Variants in EBF2 observed in about 807,000 individuals in gnomAD.
The protein encoded by EBF2 is EBF transcription factor 2.
Under a neutral mutation model 72.8 loss-of-function variants are expected in EBF2, and 21 were observed. The ratio of observed to expected loss-of-function variants is 0.29; its 90% CI spans 0.20 to 0.42. The LOEUF (loss-of-function observed/expected upper bound fraction) is 0.42. Ranked by LOEUF, EBF2 falls within the 10% of genes least tolerant of loss-of-function variation. The pLI is 1.00. For synonymous variants in EBF2, 299 were observed against 274.2 expected, an observed-to-expected ratio of 1.09 and a Z score of -0.89; for missense variants, 637 against 731.2, an observed-to-expected ratio of 0.87 and a Z score of 1.49.
intron 7 of EBF2, among the ~76,000 whole-genome samples, chr8:25,895,546 C>T (rs139274503): frequency 2.8e-4 from 42 of 152,298 alleles, no homozygotes; most frequent in African/African-American, 8.7e-4. Context: ...GTTTTAAGAA[C>T]GGAATCTACA....
chr8:26,025,257 T>A (rs1431810644), intron 6 of EBF2, among the ~76,000 whole-genome samples: 3 of 152,164 alleles, frequency 2.0e-5, no homozygotes, highest in African/African-American at 7.2e-5. Flanking sequence ...TCCATTGACC[T>A]AGTCTTCGGA....
chr8:25,971,149 C>T (rs1804183626), intron 6 of EBF2, among the ~76,000 whole-genome samples: 2 of 152,190 alleles, frequency 1.3e-5, no homozygotes, highest in South Asian at 2.1e-4. Flanking sequence ...CCACTCTTAG[C>T]AGTTTCACCT....
At chr8:25,888,061 G>T in intron 8 of EBF2, 89 bp from the exon 9 acceptor site, 1 of 1,439,556 alleles carries the variant, frequency 6.9e-7, no homozygotes, top group Non-Finnish European at 9.3e-7. Context: ...AAGAAGAATT[G>T]TCTTGGGCCA....
At position 25,850,671 on chromosome 8, in the gene EBF2, C is replaced by G; in HGVS notation, c.1619G>C (p.Ser540Thr). The change falls in exon 15 of 16, where the codon AGT (serine) becomes ACT (threonine). Residue 540 changes from serine (S) to threonine (T), a missense_variant. Coordinates refer to ENST00000520164, the MANE Select transcript of EBF2 (RefSeq NM_022659.4). ...GGGCCTGATGACAGGGGCAAAGGCA[C>G]TCTTCTGTTTGACAGCAGGAAAAAC... ...SSVFPAVKQKSAFAPVIRPQG... is the reference protein window; with the variant it reads ...SSVFPAVKQKTAFAPVIRPQG... 1 of 1,561,414 alleles carries G rather than the reference C, an allele frequency of 6.4e-7. No homozygotes were observed. The highest frequency in any genetic ancestry group is 8.6e-7 in the Non-Finnish European group (1 of 1,162,364).
At chr8:25,980,580 A>G (rs544283637) in intron 6 of EBF2, among the ~76,000 whole-genome samples, 9 of 152,184 alleles carry the variant, frequency 5.9e-5, no homozygotes, top group Non-Finnish European at 1.3e-4. Context: ...CAGTGGCACC[A>G]TAGACCTTGC....
chr8:25,913,944 T>A (rs1408765125), intron 6 of EBF2, among the ~76,000 whole-genome samples: 8 of 152,344 alleles, frequency 5.3e-5, no homozygotes, highest in Non-Finnish European at 8.8e-5. Flanking sequence ...AGATGGCCCA[T>A]TTCCCTTAAA....
intron 6 of EBF2, among the ~76,000 whole-genome samples, chr8:25,943,971 C>A (rs1003378252): frequency 2.6e-5 from 4 of 152,152 alleles, no homozygotes; most frequent in South Asian, 2.1e-4. Flanking sequence ...AACAGGGTCC[C>A]AGTTGTGTCC....
intron 6 of EBF2, among the ~76,000 whole-genome samples, chr8:25,948,184 G>T (rs934905546): frequency 6.6e-6 from 1 of 152,138 alleles, no homozygotes; most frequent in Admixed American, 6.5e-5. Context: ...AAAATGACTT[G>T]GTTGTTCCTT....
At chr8:25,871,507 A>G (rs1410809219) in intron 10 of EBF2, among the ~76,000 whole-genome samples, 2 of 152,184 alleles carry the variant, frequency 1.3e-5, no homozygotes, top group Non-Finnish European at 2.9e-5. Flanking sequence ...TCATAGCCCC[A>G]CTGAAATATA....
At chr8:26,033,246 A>G in intron 5 of EBF2, 93 bp from the exon 6 acceptor site, 1 of 1,257,560 alleles carries the variant, frequency 8.0e-7, no homozygotes, top group Non-Finnish European at 1.2e-6. Flanking sequence ...CCCCCCAGAC[A>G]GAGTCTGGCT....
chr8:25,996,460 T>G (rs1019538137), intron 6 of EBF2, among the ~76,000 whole-genome samples: 1 of 152,028 alleles, frequency 6.6e-6, no homozygotes, highest in African/African-American at 2.4e-5. Flanking sequence ...AATCAGTCAC[T>G]TAAAAATCAG....
intron 4 of EBF2, 57 bp downstream of exon 4, chr8:26,040,559 G>T (rs1805582326): frequency 2.0e-6 from 3 of 1,518,348 alleles, no homozygotes; most frequent in African/African-American, 1.4e-5. Context: ...CAAACTGGGG[G>T]GTTTGGGGGT....
intron 6 of EBF2, among the ~76,000 whole-genome samples, chr8:25,977,482 C>T (rs1179111949): frequency 5.3e-5 from 8 of 152,140 alleles, no homozygotes; most frequent in South Asian, 2.1e-4. Flanking sequence ...ATTTTCCAAG[C>T]CACAAAACCC....
At position 25,956,525 on chromosome 8, in the gene EBF2, A is replaced by C. The variant is rs993976141; in HGVS notation, c.552-47970T>G. 1.3e-5 allele frequency among the ~76,000 whole-genome samples: 2 copies of C among 152,200 alleles called. 1 individual carries two copies. The highest frequency in any genetic ancestry group is 4.8e-5 in the African/African-American group (2 of 41,446). ...GGGCTTTTAGTGTAGCCATCATCTCAATAGTGTACCTTGTATCATTGTATG... is the reference window on the plus strand; with the variant it reads ...GGGCTTTTAGTGTAGCCATCATCTCCATAGTGTACCTTGTATCATTGTATG... On this transcript the variant is annotated intron_variant, in intron 6 of 15. Coordinates refer to ENST00000520164, the MANE Select transcript of EBF2 (RefSeq NM_022659.4).
chr8:25,891,634 G>T (rs1386961361), intron 7 of EBF2, among the ~76,000 whole-genome samples: 2 of 150,592 alleles, frequency 1.3e-5, no homozygotes, highest in African/African-American at 4.9e-5. Context: ...CTAGAGTGCA[G>T]TGGCACCATC....
At chr8:25,881,903 G>C (rs1802611208) in intron 10 of EBF2, among the ~76,000 whole-genome samples, 1 of 152,152 alleles carries the variant, frequency 6.6e-6, no homozygotes, top group Non-Finnish European at 1.5e-5. Flanking sequence ...GGAGAACCTG[G>C]GCTGCCGAGA....
intron 6 of EBF2, among the ~76,000 whole-genome samples, chr8:26,011,856 C>T (rs577149553): frequency 6.6e-6 from 1 of 151,878 alleles, no homozygotes; most frequent in Non-Finnish European, 1.5e-5. Flanking sequence ...GACACATGCA[C>T]AGCCAGGAGC....
intron 6 of EBF2, among the ~76,000 whole-genome samples, chr8:26,019,469 A>G (rs1005359967): frequency 5.9e-5 from 9 of 152,220 alleles, no homozygotes; most frequent in Non-Finnish European, 1.0e-4. Flanking sequence ...TTGGAATTAC[A>G]TAATAGAATA....
chr8:26,025,795 T>A (rs1014432308), intron 6 of EBF2, among the ~76,000 whole-genome samples: 2 of 152,050 alleles, frequency 1.3e-5, no homozygotes, highest in Non-Finnish European at 2.9e-5. Context: ...CATGAAAGAA[T>A]GATGCATTCA....
Sources: allele counts gnomAD v4.1 joint callset (sites outside exome capture counted in the v4.1 genomes callset), GRCh38; gene constraint gnomAD v4.1.1; transcripts MANE v1.5; gene names NCBI Gene and HGNC (gene_info 2026-07-23, HGNC 2026-07-21).